Variants in CDK18 observed in about 807,000 individuals in gnomAD.
CDK18 encodes the protein cyclin-dependent kinase 18.
A neutral mutation model predicts 62.0 loss-of-function variants in CDK18; 52 were observed. That is an observed-to-expected ratio of 0.84 (90% CI 0.67 to 1.06). CDK18 has a LOEUF of 1.06. CDK18 is among the 50% of genes least tolerant of loss of function. The pLI is 0.00. For missense variants in CDK18, 604 were observed against 619.9 expected, an observed-to-expected ratio of 0.97 and a Z score of 0.27; for synonymous variants, 237 against 247.0, an observed-to-expected ratio of 0.96 and a Z score of 0.38.
Position 205,517,882 on chromosome 1 carries a change from C to G in CDK18, c.-21-5265C>G, listed in dbSNP as rs1667902864. Among the ~76,000 whole-genome samples, 1 of 152,162 alleles carries G rather than the reference C, an allele frequency of 6.6e-6. No individual in the cohort carries two copies. Among genetic ancestry groups the G allele is most frequent in the South Asian group, 2.1e-4 (1 of 4,830 alleles). On this transcript the variant is annotated intron_variant, in intron 1 of 15. Coordinates refer to ENST00000429964, the MANE Select transcript of CDK18 (RefSeq NM_212502.3). The surrounding 1 kb of genome is among the most constrained non-coding windows in gnomAD (Gnocchi z 4.1). ...TCAACACAGCAGCGTGTTAAAGCCT[C>G]AGTGTGATCATGTCACTCATCCGTT...
intron 15 of CDK18, among the ~76,000 whole-genome samples, chr1:205,530,923 G>T (rs766434131): frequency 6.6e-6 from 1 of 152,190 alleles, no homozygotes; most frequent in African/African-American, 2.4e-5. Flanking sequence ...TTTGACAGTA[G>T]CCCTGGCAAA....
At chr1:205,511,981 G>A (rs554766915) in intron 1 of CDK18, among the ~76,000 whole-genome samples, 1 of 152,172 alleles carries the variant, frequency 6.6e-6, no homozygotes, top group Non-Finnish European at 1.5e-5. Context: ...TTGAACCCGG[G>A]AGACAGAAGT....
At chr1:205,508,340 C>T (rs1221651836) in intron 1 of CDK18, among the ~76,000 whole-genome samples, 1 of 152,254 alleles carries the variant, frequency 6.6e-6, no homozygotes, top group Non-Finnish European at 1.5e-5. Flanking sequence ...TACACACACA[C>T]AGCTGCATGC....
intron 1 of CDK18, chr1:205,522,839 C>T (rs1281833345): frequency 1.7e-5 from 4 of 230,316 alleles, no homozygotes; most frequent in Non-Finnish European, 3.4e-5. Context: ...CACATCATGC[C>T]TGCTATTATG....
intron 3 of CDK18, 53 bp from the exon 4 acceptor site, chr1:205,524,179 C>G: frequency 1.9e-6 from 3 of 1,612,148 alleles, no homozygotes; most frequent in South Asian, 2.2e-5. Flanking sequence ...CCCCACAGCC[C>G]TAGCTACCCT....
Position 205,530,692 on chromosome 1 carries a change from C to T in CDK18, c.1377C>T (p.Ala459=), listed in dbSNP as rs778877619. ...LQKDPGYRGL[A]FQQPGRGKNR... is the part of the protein sequence containing the mutation. Reference sequence around the variant, plus strand: ...AGGACCCAGGCTACCGAGGCTTGGCCTTCCAGCAGCCAGGTAGGGGCTTGT... The same window carrying T: ...AGGACCCAGGCTACCGAGGCTTGGCTTTCCAGCAGCCAGGTAGGGGCTTGT... The change falls in exon 15 of 16, where the codon GCC becomes GCT. Residue 459 remains alanine, a synonymous_variant. Transcript: ENST00000429964. 6.2e-7 allele frequency: 1 copy of T among 1,613,740 alleles called. No homozygotes were observed. The highest frequency in any genetic ancestry group is 2.2e-5 in the East Asian group (1 of 44,882).
intron 13 of CDK18, chr1:205,529,923 C>T (rs1668652791): frequency 1.5e-5 from 21 of 1,383,582 alleles, no homozygotes; most frequent in Non-Finnish European, 1.9e-5. Flanking sequence ...GTAAGGCACA[C>T]GATGAAGGGT....
chr1:205,508,181 G>A (rs529281672), intron 1 of CDK18, among the ~76,000 whole-genome samples: 2 of 152,296 alleles, frequency 1.3e-5, no homozygotes, highest in African/African-American at 2.4e-5. Flanking sequence ...TCTCTTCCTC[G>A]GCTCTGTGTC....
chr1:205,531,798 C>T lies in CDK18; in HGVS notation c.*420C>T. The T allele has an allele frequency of 5.2e-6, 1 of 192,372 alleles. No homozygotes were observed. The highest frequency in any genetic ancestry group is 1.0e-4 in the South Asian group (1 of 9,784). The allele number at this position is 192,372 out of a possible 1,614,324, so 11.9% of individuals were successfully genotyped here. A position where few individuals can be genotyped will look rare whatever the true frequency, so the allele number is the denominator to read the frequency against. ...CTGCCTAGTGCCAGTTTGGTAGTCC[C>T]CCTTTCTGGCCCCTTGGAGCCCACA... On this transcript the variant is annotated 3_prime_UTR_variant, in exon 16 of 16. Transcript: ENST00000429964.
At chr1:205,511,279 A>G (rs2102274384) in intron 1 of CDK18, among the ~76,000 whole-genome samples, 1 of 152,378 alleles carries the variant, frequency 6.6e-6, no homozygotes, top group African/African-American at 2.4e-5. Context: ...GTGAGGCCAA[A>G]CTCATTCATT....
intron 1 of CDK18, among the ~76,000 whole-genome samples, chr1:205,505,912 A>C (rs1667283451): frequency 6.6e-6 from 1 of 152,088 alleles, no homozygotes. Context: ...CCCCTAGCCC[A>C]GCCCTCGGCA....
chr1:205,512,844 A>T (rs2102277497), intron 1 of CDK18, among the ~76,000 whole-genome samples: 1 of 152,266 alleles, frequency 6.6e-6, no homozygotes, highest in African/African-American at 2.4e-5. Context: ...AATCCTCCCC[A>T]TTCCCTCCCC....
At position 205,523,044 on chromosome 1, in the gene CDK18, C is replaced by G. The variant is rs114803603; in HGVS notation, c.-21-103C>G. ...CCTGGCTCCCAGTGATGGTGGCATA[C>G]AGGGCGACAGAGCTTGATGAGAGAG... On this transcript the variant is annotated intron_variant, in intron 1 of 15. Transcript: ENST00000429964. 814 of 1,294,704 alleles carry G rather than the reference C, an allele frequency of 6.3e-4. 1 individual carries two copies. The African/African-American group carries it at 8.9e-3, about 14-fold the overall frequency. The allele number at this position is 1,294,704 out of a possible 1,614,324, so 80.2% of individuals were successfully genotyped here.
rs896276062 is a variant in CDK18, at chr1:205,527,488, A to G, written c.730-306A>G. 27 of 269,472 alleles carry G rather than the reference A, an allele frequency of 1.0e-4. No homozygotes were observed. The highest frequency in any genetic ancestry group is 5.3e-4 in the African/African-American group (24 of 45,294). 16.7% of individuals were successfully genotyped at this position (269,472 alleles called of 1,614,324 possible). On this transcript the variant is annotated intron_variant, in intron 8 of 15. Coordinates refer to ENST00000429964, the MANE Select transcript of CDK18 (RefSeq NM_212502.3). The surrounding 1 kb of genome is among the most constrained non-coding windows in gnomAD (Gnocchi z 4.1). The stretch of plus-strand genomic sequence containing the variant: ...AGTAAAACCCTGACTCTAAAAGAAA[A>G]AAAAAAAAAAAAGGGATCAAGCACA...
intron 1 of CDK18, among the ~76,000 whole-genome samples, chr1:205,507,191 A>T (rs1379417555): frequency 2.0e-5 from 3 of 152,184 alleles, no homozygotes; most frequent in Non-Finnish European, 4.4e-5. Flanking sequence ...GAGCTTGAGA[A>T]CTAAAGGGGA....
Position 205,510,834 on chromosome 1 carries a change from C to T in CDK18, c.-22+6038C>T, listed in dbSNP as rs183726609. ...CTCTGAGGCTGCTGGTCTGAGGCTC[C>T]GACTTTTGCCTGTCCTGCTAACAAG... On this transcript the variant is annotated intron_variant, in intron 1 of 15. Transcript: ENST00000429964. 8.2e-4 allele frequency among the ~76,000 whole-genome samples: 125 copies of T among 152,346 alleles called. 2 individuals carry two copies. Among genetic ancestry groups the T allele is most frequent in the Admixed American group, 2.7e-3 (42 of 15,310 alleles).
At chr1:205,506,028 C>T (rs1302795576) in intron 1 of CDK18, among the ~76,000 whole-genome samples, 1 of 152,196 alleles carries the variant, frequency 6.6e-6, no homozygotes, top group Admixed American at 6.5e-5. Context: ...CATTCCCCAC[C>T]CGGGCATGGG....
At position 205,531,261 on chromosome 1, in the gene CDK18, G is replaced by A; in HGVS notation, c.1391-83G>A. On this transcript the variant is annotated intron_variant, in intron 15 of 15. Transcript: ENST00000429964. ...GCTTGCTCTGTCAGAGCAGCTCTGG[G>A]GGACAGCGACTGTCCCTGCTGACCT... is the stretch of plus-strand genomic sequence containing the variant. 1.5e-5 allele frequency: 20 copies of A among 1,298,082 alleles called. No homozygotes were observed. In the South Asian group the frequency reaches 2.4e-4, roughly 15 times the overall value. The allele number at this position is 1,298,082 out of a possible 1,614,324, so 80.4% of individuals were successfully genotyped here.
At chr1:205,515,172 G>GTTTTT (rs1667757120) in intron 1 of CDK18, among the ~76,000 whole-genome samples, 1 of 100,702 alleles carries the variant, frequency 9.9e-6, no homozygotes, top group African/African-American at 3.6e-5. Context: ...AGCTTTGAAG[G>GTTTTT]ATTTTTTTTT....
Sources: gnomAD v4.1 joint callset for allele counts (sites outside exome capture counted in the v4.1 genomes callset) on GRCh38, gnomAD v4.1.1 for gene constraint, Gnocchi (gnomAD v3.1) non-coding constraint, MANE v1.5 for transcripts, NCBI Gene and HGNC (gene_info 2026-07-23, HGNC 2026-07-21) for gene names.